BAG3: variants seen among roughly 807,000 people sequenced by gnomAD.
BAG3 encodes the protein BAG cochaperone 3.
A neutral mutation model predicts 40.5 loss-of-function variants in BAG3; 14 were observed. The observed-to-expected ratio is 0.35, with a 90% CI of 0.23 to 0.54. The LOEUF is 0.54. Among genes scored for constraint, BAG3 ranks in the 20% least tolerant of loss-of-function variants. BAG3 has a pLI of 0.91. For synonymous variants in BAG3, 302 were observed against 307.8 expected (o/e 0.98, Z 0.20); for missense variants, 788 against 758.6 (o/e 1.04, Z -0.46).
At chr10:119,675,131 A>G (rs1254020910) in intron 3 of BAG3, among the ~76,000 whole-genome samples, 1 of 152,220 alleles carries the variant, frequency 6.6e-6, no homozygotes. Flanking sequence ...TAGAAATTCA[A>G]GACCAGCCTG....
In BAG3 at chr10:119,676,602, C is replaced by T; in HGVS notation, c.1048C>T (p.Pro350Ser). Residue 350 changes from proline to serine, a missense_variant, in exon 4 of 4, where the codon CCT becomes TCT. By Grantham distance (74) the Pro-to-Ser change is moderately conservative (BLOSUM62 -1). Transcript: ENST00000369085. ...QVIRKEVDSK[P>S]VSQKPPPPSE... ...GATCCGCAAAGAGGTGGATTCTAAA[C>T]CTGTTTCCCAGAAGCCCCCACCTCC... The T allele has an allele frequency of 1.2e-6, 2 of 1,614,160 alleles. No individual in the cohort carries two copies. Among genetic ancestry groups the T allele is most frequent in the South Asian group, 1.1e-5 (1 of 91,076 alleles).
chr10:119,674,622 G>A (rs547657051), intron 3 of BAG3, among the ~76,000 whole-genome samples: 1 of 152,286 alleles, frequency 6.6e-6, no homozygotes, highest in East Asian at 1.9e-4. Flanking sequence ...ATGAAATTAG[G>A]GTGAGATTTT....
chr10:119,652,148 G>T (rs1589620185), intron 1 of BAG3, among the ~76,000 whole-genome samples: 1 of 152,194 alleles, frequency 6.6e-6, no homozygotes. Context: ...CTCCAGGGCG[G>T]AAGGCCGGGT....
chr10:119,671,812 G>T (rs531036330), intron 2 of BAG3, among the ~76,000 whole-genome samples: 7 of 152,240 alleles, frequency 4.6e-5, no homozygotes, highest in African/African-American at 1.7e-4. Flanking sequence ...TGTTTGAGGT[G>T]GAGTCTCTCT....
At position 119,677,701 on chromosome 10, in the gene BAG3, T is replaced by A. The variant is rs1286062843; in HGVS notation, c.*419T>A. 8.4e-6 allele frequency: 2 copies of A among 238,148 alleles called. No individual in the cohort carries two copies. Among genetic ancestry groups the A allele is most frequent in the Non-Finnish European group, 1.7e-5 (2 of 119,860 alleles). The allele number at this position is 238,148 out of a possible 1,614,324, so 14.8% of individuals were successfully genotyped here. A position where few individuals can be genotyped will look rare whatever the true frequency, so the allele number is the denominator to read the frequency against. ...GAGATGATTTTCTTCATCTCATAAT[T>A]AAAATACCTGACTTTAGAGAGAGTA... On this transcript the variant is annotated 3_prime_UTR_variant, in exon 4 of 4. Transcript: ENST00000369085.
intron 1 of BAG3, among the ~76,000 whole-genome samples, chr10:119,666,497 CCT>C (rs1303984383): frequency 6.6e-6 from 1 of 152,166 alleles, no homozygotes; most frequent in Non-Finnish European, 1.5e-5. Context: ...TTCCTTCCTC[CCT>C]CTCTCTCCTG....
chr10:119,666,735 G>C (rs1488903131), intron 1 of BAG3, among the ~76,000 whole-genome samples: 5 of 145,830 alleles, frequency 3.4e-5, no homozygotes, highest in African/African-American at 1.0e-4. Context: ...TAAGGGGTTG[G>C]GATCAGCAGC....
chr10:119,672,913 G>T lies in BAG3; in HGVS notation c.909+257G>T, dbSNP rs1045486264. ...CGGCTGACTTAGAGCAGACGAAACA[G>T]CTTGGCAGAACTTACATACCTGGGA... On this transcript the variant is annotated intron_variant, in intron 3 of 3. Transcript: ENST00000369085. This position sits in a 1 kb window ranked among gnomAD's most constrained non-coding sequence, Gnocchi z 4.8. 6.6e-6 allele frequency among the ~76,000 whole-genome samples: 1 copy of T among 152,134 alleles called. No homozygotes were observed. Among genetic ancestry groups the T allele is most frequent in the South Asian group, 2.1e-4 (1 of 4,824 alleles).
At chr10:119,653,708 C>G (rs996245187) in intron 1 of BAG3, among the ~76,000 whole-genome samples, 1 of 152,172 alleles carries the variant, frequency 6.6e-6, no homozygotes, top group African/African-American at 2.4e-5. Context: ...TTGAAGATCT[C>G]TTATGTTAGG....
intron 1 of BAG3, among the ~76,000 whole-genome samples, chr10:119,656,422 C>T (rs1237074862): frequency 6.7e-6 from 1 of 149,456 alleles, no homozygotes; most frequent in Non-Finnish European, 1.5e-5. Context: ...ACTTTGTCTC[C>T]CAGGCTGGGG....
At chr10:119,662,685 G>A (rs145061511) in intron 1 of BAG3, among the ~76,000 whole-genome samples, 1 of 152,250 alleles carries the variant, frequency 6.6e-6, no homozygotes, top group Non-Finnish European at 1.5e-5. Flanking sequence ...AGTGATGGAA[G>A]CTGTGGTTTG....
chr10:119,673,821 C>T (rs1020988905), intron 3 of BAG3, among the ~76,000 whole-genome samples: 7 of 152,174 alleles, frequency 4.6e-5, no homozygotes, highest in African/African-American at 1.2e-4. Context: ...CTTGTCATTT[C>T]TTCTCTCGTA....
chr10:119,665,775 T>TTA (rs1554876635), intron 1 of BAG3, among the ~76,000 whole-genome samples: 1 of 152,060 alleles, frequency 6.6e-6, no homozygotes, highest in East Asian at 1.9e-4. Flanking sequence ...ATGTTTTTTT[T>TTA]ATTTAAAGCA....
intron 1 of BAG3, among the ~76,000 whole-genome samples, chr10:119,661,351 C>G (rs1400930222): frequency 6.6e-6 from 1 of 152,144 alleles, no homozygotes; most frequent in African/African-American, 2.4e-5. Context: ...TTATTTCGTA[C>G]CTTATTTCAC....
rs1846840810 is a variant in BAG3 at position 119,651,636 on chromosome 10, G to A, written c.-40G>A. On this transcript the variant is annotated 5_prime_UTR_variant, in exon 1 of 4. Coordinates refer to ENST00000369085, the MANE Select transcript of BAG3 (RefSeq NM_004281.4). ...CAGAGACTCGGCGCCCGGAGCCAGC[G>A]CCCCGCACCCGCGCCCCAGCGGGCA... 4.0e-6 allele frequency: 6 copies of A among 1,490,600 alleles called. No individual in the cohort carries two copies. Among genetic ancestry groups the A allele is most frequent in the Non-Finnish European group, 3.6e-6 (4 of 1,117,048 alleles). 92.3% of individuals were successfully genotyped at this position (1,490,600 alleles called of 1,614,324 possible).
At chr10:119,670,523 C>T (rs138145285) in intron 2 of BAG3, among the ~76,000 whole-genome samples, 2 of 152,244 alleles carry the variant, frequency 1.3e-5, no homozygotes, top group African/African-American at 2.4e-5. Flanking sequence ...TGCCTTCTGG[C>T]GCCTAATTTC....
intron 3 of BAG3, among the ~76,000 whole-genome samples, chr10:119,674,413 T>C (rs1290648395): frequency 6.6e-6 from 1 of 152,216 alleles, no homozygotes; most frequent in East Asian, 1.9e-4. Context: ...TTCCCATGTG[T>C]TTCTCATCAT....
chr10:119,659,018 A>G (rs1846956161), intron 1 of BAG3, among the ~76,000 whole-genome samples: 1 of 152,094 alleles, frequency 6.6e-6, no homozygotes, highest in South Asian at 2.1e-4. Flanking sequence ...TGTTTCTTAG[A>G]AGCAAGGCCT....
intron 1 of BAG3, among the ~76,000 whole-genome samples, chr10:119,665,093 TG>T (rs371987422): frequency 0.017 from 250 of 15,086 alleles, no homozygotes; most frequent in African/African-American, 0.03. Flanking sequence ...AATTTTTGTT[TG>T]TGTGTGTGTG....
Sources: gnomAD v4.1 joint callset for allele counts (sites outside exome capture counted in the v4.1 genomes callset) on GRCh38, gnomAD v4.1.1 for gene constraint, Gnocchi (gnomAD v3.1) non-coding constraint, MANE v1.5 for transcripts, NCBI Gene and HGNC (gene_info 2026-07-23, HGNC 2026-07-21) for gene names.